RAB3C: variants seen among roughly 807,000 people sequenced by gnomAD.
RAB3C encodes RAB3C, member RAS oncogene family.
Under a neutral mutation model 26.4 loss-of-function variants are expected in RAB3C, and 17 were observed. That is an observed-to-expected ratio of 0.64 (90% CI 0.44 to 0.97). The LOEUF (loss-of-function observed/expected upper bound fraction) is 0.97, where lower values mean the gene tolerates loss of function less well. Ranked by LOEUF, RAB3C falls within the 50% of genes least tolerant of loss-of-function variation. RAB3C has a pLI of 0.00. For missense variants in RAB3C, 242 were observed against 281.9 expected (o/e 0.86, Z 1.01); for synonymous variants, 91 against 95.9 (o/e 0.95, Z 0.30).
At chr5:58,783,833 T>G (rs947042751) in intron 3 of RAB3C, among the ~76,000 whole-genome samples, 1 of 152,166 alleles carries the variant, frequency 6.6e-6, no homozygotes, top group Non-Finnish European at 1.5e-5. Context: ...CCAGGAACCT[T>G]GAGAAGTTAT....
At chr5:58,700,637 T>A (rs1748821795) in intron 2 of RAB3C, among the ~76,000 whole-genome samples, 1 of 152,196 alleles carries the variant, frequency 6.6e-6, no homozygotes, top group Non-Finnish European at 1.5e-5. Context: ...GGTGATAATG[T>A]GATTGTAGTT....
At chr5:58,617,958 C>G (rs914725126) in intron 2 of RAB3C, 88 bp downstream of exon 2, 1 of 780,510 alleles carries the variant, frequency 1.3e-6, no homozygotes, top group Non-Finnish European at 2.1e-6. Flanking sequence ...CTTGTTCTAT[C>G]CCCAGGGCAT....
chr5:58,839,091 T>C (rs888392096), intron 4 of RAB3C, among the ~76,000 whole-genome samples: 1 of 152,028 alleles, frequency 6.6e-6, no homozygotes, highest in Non-Finnish European at 1.5e-5. Flanking sequence ...TCTATGTGTG[T>C]CTTTACAAAT....
intron 3 of RAB3C, among the ~76,000 whole-genome samples, chr5:58,793,144 C>A (rs1415786415): frequency 6.6e-6 from 1 of 152,132 alleles, no homozygotes; most frequent in East Asian, 1.9e-4. Context: ...GGACACACAG[C>A]CTCAAACCTC....
intron 2 of RAB3C, among the ~76,000 whole-genome samples, chr5:58,677,142 G>A (rs1379001196): frequency 6.6e-6 from 1 of 152,140 alleles, no homozygotes; most frequent in African/African-American, 2.4e-5. Context: ...TTCTCCCAAT[G>A]TGCATGTCTG....
intron 4 of RAB3C, among the ~76,000 whole-genome samples, chr5:58,834,387 C>A (rs78056465): frequency 0.06 from 9,153 of 152,268 alleles, 370 homozygotes; most frequent in East Asian, 0.14. Flanking sequence ...TTAATCCTTT[C>A]CCTCTTACCC....
At position 58,672,642 on chromosome 5, in the gene RAB3C, A is replaced by C. The variant is rs577950750; in HGVS notation, c.253-53360A>C. On this transcript the variant is annotated intron_variant, in intron 2 of 4. Transcript: ENST00000282878. Reference sequence around the variant, plus strand: ...GTTTTTTCCAGCTGTATTGAGATATAATTGACAAATAAAAGTTGTATATAT... The same window carrying C: ...GTTTTTTCCAGCTGTATTGAGATATCATTGACAAATAAAAGTTGTATATAT... 9.5e-4 allele frequency among the ~76,000 whole-genome samples: 144 copies of C among 152,310 alleles called. 1 individual carries two copies. Among genetic ancestry groups the C allele is most frequent in the African/African-American group, 3.4e-3 (142 of 41,566 alleles).
intron 2 of RAB3C, among the ~76,000 whole-genome samples, chr5:58,682,238 G>A (rs1294382088): frequency 6.6e-6 from 1 of 152,092 alleles, no homozygotes; most frequent in Non-Finnish European, 1.5e-5. Context: ...CTAACTTAGA[G>A]GTTATATGCT....
At chr5:58,640,832 C>T in intron 2 of RAB3C, among the ~76,000 whole-genome samples, 1 of 152,138 alleles carries the variant, frequency 6.6e-6, no homozygotes, top group East Asian at 1.9e-4. Flanking sequence ...AACTGGTACT[C>T]TAGTGCAATA....
chr5:58,788,854 A>G (rs890743545), intron 3 of RAB3C, among the ~76,000 whole-genome samples: 5 of 152,230 alleles, frequency 3.3e-5, no homozygotes, highest in African/African-American at 2.4e-5. Flanking sequence ...GTATGTAAAT[A>G]TATCATATTC....
In RAB3C at chr5:58,708,916, T is replaced by C. The variant is rs775758688; in HGVS notation, c.253-17086T>C. ...GGTTTTATTTCTCCAACAATAACAT[T>C]CTTAGTCCTACCTCGTCTTTCTTCT... On this transcript the variant is annotated intron_variant, in intron 2 of 4. Transcript: ENST00000282878. 4.8e-4 allele frequency among the ~76,000 whole-genome samples: 73 copies of C among 152,344 alleles called. 1 individual carries two copies. The highest frequency in any genetic ancestry group is 1.4e-3 in the Admixed American group (21 of 15,298).
At chr5:58,663,829 A>G (rs1269310752) in intron 2 of RAB3C, among the ~76,000 whole-genome samples, 1 of 152,182 alleles carries the variant, frequency 6.6e-6, no homozygotes, top group Non-Finnish European at 1.5e-5. Context: ...TTGCAAAGCA[A>G]TTGGTGGCAG....
intron 2 of RAB3C, among the ~76,000 whole-genome samples, chr5:58,706,012 C>G: frequency 6.6e-6 from 1 of 152,068 alleles, no homozygotes; most frequent in East Asian, 1.9e-4. Context: ...TTGGTACATC[C>G]AGTTGATGTT....
At chr5:58,832,274 A>G (rs1010878214) in intron 4 of RAB3C, among the ~76,000 whole-genome samples, 1 of 152,192 alleles carries the variant, frequency 6.6e-6, no homozygotes, top group Non-Finnish European at 1.5e-5. Context: ...ATTAGGACCA[A>G]TGTAAATTTA....
At chr5:58,678,217 A>C (rs1339796248) in intron 2 of RAB3C, among the ~76,000 whole-genome samples, 1 of 152,274 alleles carries the variant, frequency 6.6e-6, no homozygotes, top group East Asian at 1.9e-4. Context: ...TTCATATAAG[A>C]CAAAAAAGAT....
At chr5:58,659,418 T>G (rs1311214571) in intron 2 of RAB3C, among the ~76,000 whole-genome samples, 2 of 152,204 alleles carry the variant, frequency 1.3e-5, no homozygotes, top group Non-Finnish European at 2.9e-5. Context: ...GACCAGTTAT[T>G]TGCAGGCATC....
Position 58,593,413 on chromosome 5 carries a change from G to A in RAB3C, c.24+10181G>A, listed in dbSNP as rs530153241. Among the ~76,000 whole-genome samples, 5 of 152,252 alleles carry A rather than the reference G, an allele frequency of 3.3e-5. No individual in the cohort carries two copies. The East Asian group carries it at 9.6e-4, about 29-fold the overall frequency. ...TGAGCTTCTTATAAAAAAGGTGATA[G>A]AGAAATGTAAATAATAACATTAGTG... On this transcript the variant is annotated intron_variant, in intron 1 of 4. Transcript: ENST00000282878.
Position 58,813,617 on chromosome 5 carries a change from TATATATATATATATATAC to T in RAB3C, c.372-11419_372-11402del, listed in dbSNP as rs1561139454. 6.3e-4 allele frequency among the ~76,000 whole-genome samples: 29 copies of T among 45,776 alleles called. 1 individual carries two copies. The highest frequency in any genetic ancestry group is 1.4e-3 in the South Asian group (2 of 1,462). The allele number at this position is 45,776 out of a possible 152,430, so 30.0% of individuals were successfully genotyped here. A position where few individuals can be genotyped will look rare whatever the true frequency, so the allele number is the denominator to read the frequency against. ...TTATATATATATATATATATATATA[TATATATATATATATATAC>T]ACACACACACACACATATACATATG... On this transcript the variant is annotated intron_variant, in intron 3 of 4. Transcript: ENST00000282878.
At chr5:58,823,569 G>T in intron 3 of RAB3C, 1 of 191,090 alleles carries the variant, frequency 5.2e-6, no homozygotes, top group Non-Finnish European at 1.1e-5. Flanking sequence ...TGCTATACAA[G>T]AGAATCCAAA....
Sources: gnomAD v4.1 joint callset for allele counts (sites outside exome capture counted in the v4.1 genomes callset) on GRCh38, gnomAD v4.1.1 for gene constraint, MANE v1.5 for transcripts, NCBI Gene and HGNC (gene_info 2026-07-23, HGNC 2026-07-21) for gene names.